The following MBNL2 variants were observed in gnomAD, a reference collection of about 807,000 sequenced individuals.
MBNL2 encodes the protein muscleblind like splicing regulator 2.
Under a neutral mutation model 41.9 loss-of-function variants are expected in MBNL2, and 17 were observed. The observed-to-expected ratio is 0.41, with a 90% CI of 0.28 to 0.61. The LOEUF is 0.61. Among genes scored for constraint, MBNL2 ranks in the 20% least tolerant of loss-of-function variants. MBNL2 has a pLI of 0.35. For synonymous variants in MBNL2, 195 were observed against 182.9 expected (o/e 1.07, Z -0.53); for missense variants, 336 against 505.6 (o/e 0.66, Z 3.22).
In MBNL2 at chr13:97,381,438, A is replaced by G. The variant is rs377095584; in HGVS notation, c.1049-9884A>G. Reference sequence around the variant, plus strand: ...AAATGTGCCCAGGATTCTAAGTCCAACATAATGGTAATGGATACAAAAGCA... The same window carrying G: ...AAATGTGCCCAGGATTCTAAGTCCAGCATAATGGTAATGGATACAAAAGCA... On this transcript the variant is annotated intron_variant, in intron 8 of 8. Transcript: ENST00000679496. Among the ~76,000 whole-genome samples the G allele has an allele frequency of 3.9e-5, 6 of 152,250 alleles. No homozygotes were observed. The East Asian group carries it at 7.7e-4, about 20-fold the overall frequency.
intron 8 of MBNL2, among the ~76,000 whole-genome samples, chr13:97,369,919 T>C (rs1268315680): frequency 6.6e-6 from 1 of 152,202 alleles, no homozygotes; most frequent in Non-Finnish European, 1.5e-5. Flanking sequence ...TCTGTTTCAG[T>C]TAAGGTATTT....
At chr13:97,183,021 G>A in the MBNL2 span, among the ~76,000 whole-genome samples, 1 of 152,156 alleles carries the variant, frequency 6.6e-6, no homozygotes, top group African/African-American at 2.4e-5. Context: ...CAGAAGGAAA[G>A]TACATACAGT....
chr13:97,174,241 A>T, the MBNL2 span, among the ~76,000 whole-genome samples: 1 of 152,136 alleles, frequency 6.6e-6, no homozygotes. Context: ...GGCATTCAGG[A>T]GGGAATGGCT....
chr13:97,167,389 T>TAA, the MBNL2 span, among the ~76,000 whole-genome samples: 4 of 144,702 alleles, frequency 2.8e-5, no homozygotes, highest in African/African-American at 7.6e-5. Flanking sequence ...ATGCTTTATG[T>TAA]AAAAAAAAAA....
intron 1 of MBNL2, among the ~76,000 whole-genome samples, chr13:97,233,258 G>T (rs1462449582): frequency 1.4e-5 from 2 of 144,316 alleles, no homozygotes; most frequent in Non-Finnish European, 3.0e-5. Flanking sequence ...CCATGTTGGT[G>T]TGCTGCACCT....
intron 8 of MBNL2, among the ~76,000 whole-genome samples, chr13:97,374,480 G>A (rs574007661): frequency 1.3e-5 from 2 of 150,390 alleles, no homozygotes; most frequent in South Asian, 2.1e-4. Context: ...TGCAACCTGC[G>A]CCTCCCAGGT....
the MBNL2 span, among the ~76,000 whole-genome samples, chr13:97,184,160 A>G: frequency 1.3e-5 from 2 of 152,234 alleles, no homozygotes; most frequent in East Asian, 3.8e-4. Flanking sequence ...GACTATTCTC[A>G]CATTCATTCT....
chr13:97,256,319 CT>C (rs1483349333), intron 1 of MBNL2, among the ~76,000 whole-genome samples: 1 of 150,638 alleles, frequency 6.6e-6, no homozygotes, highest in African/African-American at 2.4e-5. Flanking sequence ...AAAAAAAAAA[CT>C]GCCAGCTTGG....
chr13:97,171,518 A>C, the MBNL2 span, among the ~76,000 whole-genome samples: 1 of 152,232 alleles, frequency 6.6e-6, no homozygotes, highest in Non-Finnish European at 1.5e-5. Flanking sequence ...TACAATATAC[A>C]ACACACACTG....
At chr13:97,304,576 A>G (rs114881271) in intron 2 of MBNL2, among the ~76,000 whole-genome samples, 1,774 of 152,294 alleles carry the variant, frequency 0.012, 34 homozygotes, top group African/African-American at 0.041. Context: ...TAAGATCTTT[A>G]AAGACTTGAT....
intron 2 of MBNL2, among the ~76,000 whole-genome samples, chr13:97,295,299 T>G (rs555439194): frequency 1.8e-4 from 27 of 152,212 alleles, no homozygotes; most frequent in African/African-American, 6.5e-4. Flanking sequence ...ACACCTGGGA[T>G]TAGTCTTCAG....
At chr13:97,213,359 C>T in the MBNL2 span, among the ~76,000 whole-genome samples, 8 of 151,956 alleles carry the variant, frequency 5.3e-5, no homozygotes, top group South Asian at 2.1e-4. Flanking sequence ...AAAATAAAAC[C>T]CCCAAGAACA....
At chr13:97,245,068 ACTC>A (rs2045183468) in intron 1 of MBNL2, among the ~76,000 whole-genome samples, 1 of 152,148 alleles carries the variant, frequency 6.6e-6, no homozygotes, top group South Asian at 2.1e-4. Flanking sequence ...TAGTAATAAA[ACTC>A]CTGAGAAGTT....
chr13:97,228,887 C>T (rs763079474), intron 1 of MBNL2, among the ~76,000 whole-genome samples: 1 of 151,712 alleles, frequency 6.6e-6, no homozygotes, highest in Non-Finnish European at 1.5e-5. Context: ...AATGAAAACT[C>T]AAATTGAGTA....
chr13:97,208,287 T>C, the MBNL2 span, among the ~76,000 whole-genome samples: 1 of 152,190 alleles, frequency 6.6e-6, no homozygotes, highest in Non-Finnish European at 1.5e-5. Context: ...GTGGGACCAT[T>C]ATTTAGCAGG....
chr13:97,204,599 A>C, the MBNL2 span, among the ~76,000 whole-genome samples: 1 of 152,206 alleles, frequency 6.6e-6, no homozygotes, highest in Non-Finnish European at 1.5e-5. Context: ...GGAAGAAAAA[A>C]AACTATACTT....
At chr13:97,362,184 A>T (rs963228990) in intron 7 of MBNL2, among the ~76,000 whole-genome samples, 1 of 152,098 alleles carries the variant, frequency 6.6e-6, no homozygotes, top group Non-Finnish European at 1.5e-5. Context: ...TTACATTAAC[A>T]GTTGAGCATC....
chr13:97,286,067 G>A (rs1206945219), intron 2 of MBNL2, among the ~76,000 whole-genome samples: 1 of 152,130 alleles, frequency 6.6e-6, no homozygotes, highest in Non-Finnish European at 1.5e-5. Context: ...CCAATCCAAC[G>A]ACCATAAACA....
rs1344759242 is a variant in MBNL2 at position 97,366,133 on chromosome 13, G to A, written c.1048+962G>A. On this transcript the variant is annotated intron_variant, in intron 8 of 8. Coordinates refer to ENST00000679496, the MANE Select transcript of MBNL2 (RefSeq NM_001382683.1). This position sits in a 1 kb window ranked among gnomAD's most constrained non-coding sequence, Gnocchi z 4.7. ...CACAATTTTAGAAACAACCATTATT[G>A]CATACACTGTATACACTGAATTGGG... 1.3e-5 allele frequency among the ~76,000 whole-genome samples: 2 copies of A among 152,064 alleles called. No homozygotes were observed. The highest frequency in any genetic ancestry group is 4.8e-5 in the African/African-American group (2 of 41,386).
Sources: allele counts gnomAD v4.1 joint callset (sites outside exome capture counted in the v4.1 genomes callset), GRCh38; gene constraint gnomAD v4.1.1; non-coding constraint Gnocchi (gnomAD v3.1); transcripts MANE v1.5; gene names NCBI Gene and HGNC (gene_info 2026-07-23, HGNC 2026-07-21).